MCC: variants seen among roughly 807,000 people sequenced by gnomAD.
The protein encoded by MCC is colorectal mutant cancer protein.
A neutral mutation model predicts 116.2 loss-of-function variants in MCC; 90 were observed. The ratio of observed to expected loss-of-function variants is 0.77; its 90% CI spans 0.65 to 0.92. The LOEUF (loss-of-function observed/expected upper bound fraction) is 0.92. MCC is among the 40% of genes least tolerant of loss of function. The pLI is 0.00. For missense variants in MCC, 1,516 were observed against 1,312.2 expected (o/e 1.16, Z -2.40); for synonymous variants, 578 against 510.5 (o/e 1.13, Z -1.78).
At chr5:113,233,886 TTC>T (rs1309151812) in intron 3 of MCC, among the ~76,000 whole-genome samples, 1 of 152,216 alleles carries the variant, frequency 6.6e-6, no homozygotes, top group African/African-American at 2.4e-5. Context: ...CATCTGATCA[TTC>T]TCTGCTCTTA....
chr5:113,155,442 T>G (rs544515965), intron 3 of MCC, among the ~76,000 whole-genome samples: 1 of 152,202 alleles, frequency 6.6e-6, no homozygotes, highest in Admixed American at 6.5e-5. Flanking sequence ...ATTTTAAGGG[T>G]TTTTTTAGGA....
At chr5:113,347,945 A>G (rs1448220265) in intron 2 of MCC, among the ~76,000 whole-genome samples, 2 of 152,124 alleles carry the variant, frequency 1.3e-5, no homozygotes, top group Admixed American at 6.6e-5. Flanking sequence ...GACAAAATAG[A>G]TTTCAAGAAA....
At chr5:113,308,849 G>A (rs1217129617) in intron 3 of MCC, among the ~76,000 whole-genome samples, 3 of 151,132 alleles carry the variant, frequency 2.0e-5, no homozygotes, top group Non-Finnish European at 4.4e-5. Context: ...GAAAAAAAGA[G>A]AGAAAGATAA....
At chr5:113,430,064 T>C (rs1770586721) in intron 1 of MCC, among the ~76,000 whole-genome samples, 1 of 152,234 alleles carries the variant, frequency 6.6e-6, no homozygotes, top group Non-Finnish European at 1.5e-5. Flanking sequence ...TTCCCTTCTA[T>C]GGATCCAAGC....
intron 3 of MCC, among the ~76,000 whole-genome samples, chr5:113,221,522 G>A (rs1763551695): frequency 6.6e-6 from 1 of 152,216 alleles, no homozygotes; most frequent in African/African-American, 2.4e-5. Flanking sequence ...TAGAAATTAT[G>A]GTTTAGGAGG....
chr5:113,262,454 C>A (rs1038037942), intron 3 of MCC, among the ~76,000 whole-genome samples: 1 of 152,146 alleles, frequency 6.6e-6, no homozygotes, highest in African/African-American at 2.4e-5. Context: ...ACCTTTTATG[C>A]CTTTGTCTTC....
chr5:113,212,671 C>G (rs974436912), intron 3 of MCC, among the ~76,000 whole-genome samples: 1 of 152,190 alleles, frequency 6.6e-6, no homozygotes, highest in African/African-American at 2.4e-5. Context: ...ACTTCCCAAC[C>G]TCTTAAGCCA....
chr5:113,388,010 TC>T (rs1769311099), intron 1 of MCC, among the ~76,000 whole-genome samples: 1 of 152,168 alleles, frequency 6.6e-6, no homozygotes, highest in East Asian at 1.9e-4. Context: ...CCACCCTTCC[TC>T]CCTGCTGGCA....
chr5:113,049,068 T>G (rs1580924122), intron 16 of MCC, 25 bp downstream of exon 16: 1 of 1,611,936 alleles, frequency 6.2e-7, no homozygotes. Flanking sequence ...AGCCTAAGGG[T>G]GTCCCCAAGC....
At position 113,332,090 on chromosome 5, in the gene MCC, C is replaced by T. The variant is rs142775245; in HGVS notation, c.627+8429G>A. On this transcript the variant is annotated intron_variant, in intron 3 of 18. Transcript: ENST00000408903. ...TGATCAGTAAATATTTCGAAATCTC[C>T]TTGAAAGATCTCATTTCTTTAGAAT... Among the ~76,000 whole-genome samples the T allele has an allele frequency of 1.5e-4, 23 of 151,794 alleles. No individual in the cohort carries two copies. In the East Asian group the frequency reaches 4.0e-3, roughly 27 times the overall value.
intron 3 of MCC, among the ~76,000 whole-genome samples, chr5:113,193,082 C>T (rs1160498023): frequency 6.6e-6 from 1 of 152,178 alleles, no homozygotes; most frequent in African/African-American, 2.4e-5. Flanking sequence ...TGCCAGCATT[C>T]CTTGGCTCGT....
Position 113,046,685 on chromosome 5 carries a change from CAAAAAAAAAA to C in MCC, c.2655+2398_2655+2407del, listed in dbSNP as rs151183145. ...ACTGACTGCTAACAAACTCAAAAGG[CAAAAAAAAAA>C]AAAAAAAAAAAAAAAAGAGAGAGAT... On this transcript the variant is annotated intron_variant, in intron 16 of 18. Transcript: ENST00000408903. Among the ~76,000 whole-genome samples, 121 of 58,386 alleles carry C rather than the reference CAAAAAAAAAA, an allele frequency of 2.1e-3. 2 individuals are homozygous for C. The highest frequency in any genetic ancestry group is 2.9e-3 in the Non-Finnish European group (94 of 32,080). The allele number at this position is 58,386 out of a possible 152,430, so 38.3% of individuals were successfully genotyped here.
intron 1 of MCC, among the ~76,000 whole-genome samples, chr5:113,456,301 A>T (rs1392292099): frequency 6.6e-6 from 1 of 152,178 alleles, no homozygotes; most frequent in Non-Finnish European, 1.5e-5. Flanking sequence ...GGGGAAATTA[A>T]ATCCTTTTAT....
chr5:113,485,527 A>T (rs971288318), intron 1 of MCC, among the ~76,000 whole-genome samples: 2 of 152,230 alleles, frequency 1.3e-5, no homozygotes, highest in African/African-American at 2.4e-5. Context: ...TGCTTTAATG[A>T]TACAGGCACA....
At chr5:113,352,263 G>A (rs150197813) in intron 2 of MCC, among the ~76,000 whole-genome samples, 1 of 152,174 alleles carries the variant, frequency 6.6e-6, no homozygotes, top group African/African-American at 2.4e-5. Context: ...GAAAATGCAG[G>A]TCTGGTAACC....
chr5:113,349,067 C>A (rs1768203643), intron 2 of MCC, among the ~76,000 whole-genome samples: 1 of 151,996 alleles, frequency 6.6e-6, no homozygotes, highest in South Asian at 2.1e-4. Flanking sequence ...TAATGAAAGT[C>A]TTCCAGTAAA....
intron 4 of MCC, among the ~76,000 whole-genome samples, chr5:113,146,012 T>C (rs911898659): frequency 2.6e-5 from 4 of 152,124 alleles, no homozygotes; most frequent in African/African-American, 4.8e-5. Context: ...TATTTGAAGC[T>C]CAAGCACTGA....
chr5:113,458,858 T>C (rs949536666), intron 1 of MCC, among the ~76,000 whole-genome samples: 21 of 152,150 alleles, frequency 1.4e-4, no homozygotes, highest in Non-Finnish European at 1.3e-4. Context: ...ATCTCCCTTT[T>C]AGGGGCCTCC....
At chr5:113,075,840 C>T (rs1349865459) in intron 11 of MCC, among the ~76,000 whole-genome samples, 2 of 152,172 alleles carry the variant, frequency 1.3e-5, no homozygotes, top group African/African-American at 4.8e-5. Context: ...CCTTTAAGAG[C>T]TGTAACACTC....
Sources: gnomAD v4.1 joint callset for allele counts (sites outside exome capture counted in the v4.1 genomes callset) on GRCh38, gnomAD v4.1.1 for gene constraint, MANE v1.5 for transcripts, NCBI Gene and HGNC (gene_info 2026-07-23, HGNC 2026-07-21) for gene names.